The following TBC1D19 variants were observed in gnomAD, a reference collection of about 807,000 sequenced individuals.
TBC1D19 encodes the protein TBC1 domain family member 19.
TBC1D19 carries 60 observed loss-of-function variants against 89.0 expected under a neutral mutation model. The ratio of observed to expected loss-of-function variants is 0.67; its 90% CI spans 0.55 to 0.84. The LOEUF (loss-of-function observed/expected upper bound fraction) is 0.84, where lower values mean the gene tolerates loss of function less well. Ranked by LOEUF, TBC1D19 falls within the 40% of genes least tolerant of loss-of-function variation. The pLI, the probability that TBC1D19 is intolerant of heterozygous loss-of-function variation, is 0.00. For synonymous variants in TBC1D19, 189 were observed against 199.7 expected (o/e 0.95, Z 0.45); for missense variants, 500 against 610.8 (o/e 0.82, Z 1.91).
intron 16 of TBC1D19, among the ~76,000 whole-genome samples, chr4:26,735,838 A>G (rs1268368519): frequency 2.0e-5 from 3 of 152,090 alleles, no homozygotes; most frequent in Non-Finnish European, 4.4e-5. Flanking sequence ...AATCAAAACC[A>G]CAATGAGATA....
rs544269133 is a variant in TBC1D19 at position 26,586,388 on chromosome 4, T to C, written c.99+2096T>C. Among the ~76,000 whole-genome samples the C allele has an allele frequency of 6.6e-5, 10 of 152,264 alleles. No individual in the cohort carries two copies. The East Asian group carries it at 1.9e-3, about 29-fold the overall frequency. On this transcript the variant is annotated intron_variant, in intron 1 of 20. Transcript: ENST00000264866. ...CTTTTTGTAACTTTATAGTAAGCCT[T>C]GAGATCAAAGTCCTCCAAATTTGTT... is the stretch of plus-strand genomic sequence containing the variant.
the TBC1D19 span, among the ~76,000 whole-genome samples, chr4:26,852,240 G>A: frequency 2.0e-5 from 3 of 152,142 alleles, no homozygotes; most frequent in South Asian, 4.1e-4. Flanking sequence ...CCTCTCACAC[G>A]ATGTATTCGG....
rs959983055 is a variant in TBC1D19 at position 26,611,968 on chromosome 4, G to A, written c.100-1201G>A. ...GGCTATATTTGAATTAGGCAAAACC[G>A]TTCCCTGTTTTAACTTCTGCTCTAA... On this transcript the variant is annotated intron_variant, in intron 1 of 20. Transcript: ENST00000264866. Among the ~76,000 whole-genome samples the A allele has an allele frequency of 1.5e-4, 23 of 152,048 alleles. No homozygotes were observed. The East Asian group carries it at 4.3e-3, about 28-fold the overall frequency.
chr4:26,780,411 C>T, the TBC1D19 span, among the ~76,000 whole-genome samples: 1 of 152,196 alleles, frequency 6.6e-6, no homozygotes, highest in Non-Finnish European at 1.5e-5. Context: ...CAGTTTCCAA[C>T]CATTTAGGGA....
intron 1 of TBC1D19, among the ~76,000 whole-genome samples, chr4:26,588,227 G>A (rs1306753575): frequency 6.6e-6 from 1 of 151,776 alleles, no homozygotes; most frequent in Admixed American, 6.6e-5. Context: ...GGATTTCACC[G>A]TGTTAGCCAG....
At chr4:26,587,937 T>A (rs1739516953) in intron 1 of TBC1D19, among the ~76,000 whole-genome samples, 1 of 152,038 alleles carries the variant, frequency 6.6e-6, no homozygotes. Context: ...TATAAAATTG[T>A]TTATATGATC....
At chr4:26,611,825 A>G (rs1202546118) in intron 1 of TBC1D19, among the ~76,000 whole-genome samples, 1 of 152,026 alleles carries the variant, frequency 6.6e-6, no homozygotes, top group African/African-American at 2.4e-5. Context: ...TTAGTTCCCT[A>G]TCATTCTTCT....
the TBC1D19 span, among the ~76,000 whole-genome samples, chr4:26,774,328 C>T: frequency 6.6e-6 from 1 of 152,236 alleles, no homozygotes; most frequent in African/African-American, 2.4e-5. Flanking sequence ...TCAGCACTCT[C>T]TTAGTTCAGT....
At chr4:26,818,586 A>G in the TBC1D19 span, among the ~76,000 whole-genome samples, 1 of 152,194 alleles carries the variant, frequency 6.6e-6, no homozygotes, top group African/African-American at 2.4e-5. Context: ...AATTTCAGAC[A>G]TATAAAAGAT....
intron 9 of TBC1D19, among the ~76,000 whole-genome samples, chr4:26,666,899 T>C (rs1484512055): frequency 3.3e-5 from 5 of 151,934 alleles, no homozygotes. Flanking sequence ...AAAAATGAAG[T>C]ACAAATTTAC....
the TBC1D19 span, among the ~76,000 whole-genome samples, chr4:26,815,565 G>A: frequency 6.6e-6 from 1 of 152,192 alleles, no homozygotes; most frequent in African/African-American, 2.4e-5. Context: ...CCAGGCTGGT[G>A]CCAAAACAGG....
At chr4:26,654,896 G>A (rs141504619) in intron 7 of TBC1D19, among the ~76,000 whole-genome samples, 1,930 of 152,266 alleles carry the variant, frequency 0.013, 36 homozygotes, top group African/African-American at 0.043. Context: ...TCTCCATCCA[G>A]CTTTTTTCCA....
At chr4:26,614,720 A>G (rs1741574194) in intron 3 of TBC1D19, among the ~76,000 whole-genome samples, 1 of 152,124 alleles carries the variant, frequency 6.6e-6, no homozygotes, top group Admixed American at 6.6e-5. Context: ...TCTGTTGCCC[A>G]GGCTGGAGTG....
the TBC1D19 span, among the ~76,000 whole-genome samples, chr4:26,793,794 C>A: frequency 6.6e-6 from 1 of 151,510 alleles, no homozygotes; most frequent in African/African-American, 2.4e-5. Flanking sequence ...TATTCTCAGA[C>A]TTCATTCTCA....
chr4:26,593,483 A>G (rs1739970174), intron 1 of TBC1D19, among the ~76,000 whole-genome samples: 1 of 152,254 alleles, frequency 6.6e-6, no homozygotes, highest in Non-Finnish European at 1.5e-5. Context: ...GCCAAAATTG[A>G]CAAATGTGAT....
At chr4:26,788,141 T>G in the TBC1D19 span, among the ~76,000 whole-genome samples, 1 of 152,066 alleles carries the variant, frequency 6.6e-6, no homozygotes, top group Non-Finnish European at 1.5e-5. Flanking sequence ...TTTCACGGCA[T>G]GGTTCCAGGT....
At chr4:26,749,142 A>C (rs1207653802) in intron 19 of TBC1D19, among the ~76,000 whole-genome samples, 1 of 152,212 alleles carries the variant, frequency 6.6e-6, no homozygotes. Flanking sequence ...AGTTCTTACA[A>C]CAGATGTATG....
chr4:26,807,813 T>A, the TBC1D19 span, among the ~76,000 whole-genome samples: 18 of 152,328 alleles, frequency 1.2e-4, no homozygotes, highest in African/African-American at 4.3e-4. Context: ...AATGCAGACA[T>A]AATCATTACA....
chr4:26,664,028 T>C (rs913801993), intron 8 of TBC1D19, among the ~76,000 whole-genome samples: 1 of 152,222 alleles, frequency 6.6e-6, no homozygotes, highest in African/African-American at 2.4e-5. Context: ...TCAATATTTA[T>C]TGAACCCTTT....
Sources: allele counts gnomAD v4.1 joint callset (sites outside exome capture counted in the v4.1 genomes callset), GRCh38; gene constraint gnomAD v4.1.1; transcripts MANE v1.5; gene names NCBI Gene and HGNC (gene_info 2026-07-23, HGNC 2026-07-21).